Variants in CEP170B observed in about 807,000 individuals in gnomAD.
The protein encoded by CEP170B is centrosomal protein of 170 kDa protein B.
A neutral mutation model predicts 120.6 loss-of-function variants in CEP170B; 55 were observed. The ratio of observed to expected loss-of-function variants is 0.46; its 90% CI spans 0.37 to 0.57. The LOEUF (loss-of-function observed/expected upper bound fraction) is 0.57. CEP170B is among the 20% of genes least tolerant of loss of function. The probability of loss-of-function intolerance (pLI) is 0.00; values close to 1 mark genes in which losing one functional copy is unlikely to be tolerated. For missense variants in CEP170B, 2,212 were observed against 2,253.3 expected (o/e 0.98, Z 0.37); for synonymous variants, 1,033 against 954.5 (o/e 1.08, Z -1.52).
chr14:104,874,486 C>T (rs1269588667), intron 2 of CEP170B, among the ~76,000 whole-genome samples: 10 of 152,042 alleles, frequency 6.6e-5, no homozygotes, highest in Admixed American at 5.9e-4. Flanking sequence ...CAGGAGGAGC[C>T]GCTCACCTGG....
rs905695060 is a variant in CEP170B at position 104,870,763 on chromosome 14, G to A, written c.105+2208G>A. Among the ~76,000 whole-genome samples, 5 of 151,982 alleles carry A rather than the reference G, an allele frequency of 3.3e-5. No individual in the cohort carries two copies. Among genetic ancestry groups the A allele is most frequent in the South Asian group, 4.2e-4 (2 of 4,814 alleles). On this transcript the variant is annotated intron_variant, in intron 2 of 18. Coordinates refer to ENST00000414716, the MANE Select transcript of CEP170B (RefSeq NM_001112726.3). This position sits in a 1 kb window ranked among gnomAD's most constrained non-coding sequence, Gnocchi z 4.1. ...GGCTTCCCAGCTCTCCTCAGTGGCCGCCCCTGGCCTGGGTGGGCCTGCATT... is the reference window on the plus strand; with the variant it reads ...GGCTTCCCAGCTCTCCTCAGTGGCCACCCCTGGCCTGGGTGGGCCTGCATT...
rs187049858 is a variant in CEP170B at position 104,883,167 on chromosome 14, C to T, written c.710C>T (p.Ser237Leu). 7.7e-4 allele frequency: 1,240 copies of T among 1,608,032 alleles called. 12 individuals are homozygous for T. The East Asian group carries it at 0.021, about 27-fold the overall frequency. ...EIPTKETPQP[S>L]QPPEVPAHEM... ...CCCACGAAGGAGACCCCGCAGCCGTCGCAGCCCCCCGAGGTGCCGGCACAC... is the reference window on the plus strand; with the variant it reads ...CCCACGAAGGAGACCCCGCAGCCGTTGCAGCCCCCCGAGGTGCCGGCACAC... The change falls in exon 8 of 19, where the codon TCG becomes TTG. Residue 237 changes from serine (S) to leucine (L), a missense_variant. Around this residue, in one of 2 missense-constraint regions of CEP170B, gnomAD observed 2,166 missense variants for 2,166.7 expected, o/e 1.00. Coordinates refer to ENST00000414716, the MANE Select transcript of CEP170B (RefSeq NM_001112726.3).
intron 13 of CEP170B, among the ~76,000 whole-genome samples, 196 bp from the exon 14 acceptor site, chr14:104,892,779 TC>T: frequency 6.6e-6 from 1 of 152,336 alleles, no homozygotes; most frequent in East Asian, 1.9e-4. Flanking sequence ...GAGTTTGGCC[TC>T]CCTTTGGGGC....
At chr14:104,882,633 G>T in intron 6 of CEP170B, 95 bp from the exon 7 acceptor site, 1 of 977,060 alleles carries the variant, frequency 1.0e-6, no homozygotes, top group Non-Finnish European at 1.5e-6. Context: ...GCCAGGGCCT[G>T]CCCCAGAGTC....
chr14:104,877,849 GCTC>G (rs1321177881), intron 3 of CEP170B, 33 bp from the exon 4 acceptor site: 67 of 315,672 alleles, frequency 2.1e-4, no homozygotes, highest in South Asian at 5.9e-4. Flanking sequence ...CACCCGCGCA[GCTC>G]CCCCCCCCCC....
At chr14:104,890,305 GGTGA>G (rs1896754680) in intron 13 of CEP170B, among the ~76,000 whole-genome samples, 1 of 142,844 alleles carries the variant, frequency 7.0e-6, no homozygotes, top group African/African-American at 2.6e-5. Flanking sequence ...TGGATGGATG[GGTGA>G]GTGGGTGGGT....
chr14:104,889,567 G>T (rs1003545718), intron 12 of CEP170B, 53 bp from the exon 13 acceptor site: 4 of 1,602,574 alleles, frequency 2.5e-6, no homozygotes, highest in Non-Finnish European at 3.4e-6. Context: ...CTGAGGAGGA[G>T]TACGGCTCCC....
chr14:104,888,064 C>T, intron 12 of CEP170B, 86 bp downstream of exon 12: 1 of 1,365,782 alleles, frequency 7.3e-7, no homozygotes. Flanking sequence ...TGAGTGCTGG[C>T]CGTGGGCCCC....
chr14:104,888,162 G>A (rs113623115), intron 12 of CEP170B, among the ~76,000 whole-genome samples, 184 bp downstream of exon 12: 7 of 152,296 alleles, frequency 4.6e-5, no homozygotes, highest in African/African-American at 1.7e-4. Flanking sequence ...TGCATGGGCC[G>A]AGGGCAGGGC....
At position 104,887,767 on chromosome 14, in the gene CEP170B, G is replaced by T; in HGVS notation, c.3528G>T (p.Arg1176=). ...ACATCCTGGCCATGCCCCGGAAGCGGGCCGGCTCCTTCACAGGGACTAGTG... is the reference window on the plus strand; with the variant it reads ...ACATCCTGGCCATGCCCCGGAAGCGTGCCGGCTCCTTCACAGGGACTAGTG... ...RLDILAMPRK[R]AGSFTGTSDP... is the part of the protein sequence containing the mutation. Residue 1176 remains arginine (R), a synonymous_variant, in exon 12 of 19, where the codon CGG becomes CGT. Transcript: ENST00000414716. 6.3e-7 allele frequency: 1 copy of T among 1,580,520 alleles called. No individual in the cohort carries two copies. Among genetic ancestry groups the T allele is most frequent in the Middle Eastern group, 1.7e-4 (1 of 5,942 alleles).
Position 104,893,670 on chromosome 14 carries a change from C to G in CEP170B, c.4182+4C>G. On this transcript the variant is annotated splice_donor_region_variant and intron_variant, in intron 15 of 18. Transcript: ENST00000414716. ...GCGGCCTCGGAACCGAGAGGAGGCA[C>G]GGTGCCCACTACCGCCACGGAGCTG... is the stretch of plus-strand genomic sequence containing the variant. The G allele has an allele frequency of 6.3e-7, 1 of 1,583,724 alleles. No homozygotes were observed. Among genetic ancestry groups the G allele is most frequent in the Non-Finnish European group, 8.6e-7 (1 of 1,166,070 alleles).
chr14:104,874,646 C>T (rs1342427455), intron 2 of CEP170B, among the ~76,000 whole-genome samples: 1 of 152,042 alleles, frequency 6.6e-6, no homozygotes, highest in Non-Finnish European at 1.5e-5. Context: ...TCCTCGCCAC[C>T]CTCCACTGTA....
In CEP170B at chr14:104,886,698, A is replaced by G. The variant is rs1414591499; in HGVS notation, c.2459A>G (p.Glu820Gly). 2 of 1,563,620 alleles carry G rather than the reference A, an allele frequency of 1.3e-6. No individual in the cohort carries two copies. Among genetic ancestry groups the G allele is most frequent in the Admixed American group, 1.9e-5 (1 of 51,934 alleles). The change falls in exon 12 of 19, where the codon GAG becomes GGG. Residue 820 changes from glutamate (E) to glycine (G), a missense_variant. Transcript: ENST00000414716. ...RKPLAAPGDG[E>G]GLGQTAQPSP... ...CCGCTTGCGGCTCCAGGGGATGGGG[A>G]GGGCCTAGGGCAGACAGCCCAGCCC...
intron 13 of CEP170B, among the ~76,000 whole-genome samples, chr14:104,890,682 ATGGGTGAGTGGGTGGG>A (rs1196433902): frequency 1.6e-5 from 1 of 62,426 alleles, no homozygotes; most frequent in Non-Finnish European, 3.8e-5. Context: ...GGATGGATGG[ATGGGTGAGTGGGTGGG>A]TGGATGGATG....
At position 104,887,744 on chromosome 14, in the gene CEP170B, A is replaced by G; in HGVS notation, c.3505A>G (p.Ile1169Val). ...EQAKKLSRLD[I>V]LAMPRKRAGS... ...GGCCAAGAAGCTGTCACGCCTGGAC[A>G]TCCTGGCCATGCCCCGGAAGCGGGC... Residue 1169 changes from isoleucine to valine, a missense_variant, in exon 12 of 19, where the codon ATC becomes GTC. By Grantham distance (29) the Ile-to-Val change is conservative. This residue lies in a region of CEP170B where 2,166 missense variants were observed against 2,166.7 expected (regional missense o/e 1.00). Coordinates refer to ENST00000414716, the MANE Select transcript of CEP170B (RefSeq NM_001112726.3). 6.3e-7 allele frequency: 1 copy of G among 1,581,526 alleles called. No individual in the cohort carries two copies. The highest frequency in any genetic ancestry group is 8.6e-7 in the Non-Finnish European group (1 of 1,164,642).
In CEP170B at chr14:104,889,455, A is replaced by G. The variant is rs536992851; in HGVS notation, c.3740-165A>G. 226 of 1,488,930 alleles carry G rather than the reference A, an allele frequency of 1.5e-4. No homozygotes were observed. In the Admixed American group the frequency reaches 1.6e-3, roughly 10 times the overall value. 92.2% of individuals were successfully genotyped at this position (1,488,930 alleles called of 1,614,324 possible). A position where few individuals can be genotyped will look rare whatever the true frequency, so the allele number is the denominator to read the frequency against. ...CTCCCAGAGGGACCCTGGGACTGCC[A>G]CAGGGTGCTGAGTGCTGCTTTGTTC... On this transcript the variant is annotated intron_variant, in intron 12 of 18. Coordinates refer to ENST00000414716, the MANE Select transcript of CEP170B (RefSeq NM_001112726.3).
chr14:104,873,728 C>G (rs1219922706), intron 2 of CEP170B, among the ~76,000 whole-genome samples: 2 of 152,078 alleles, frequency 1.3e-5, no homozygotes, highest in African/African-American at 4.8e-5. Context: ...AGATGACATC[C>G]AAGTCACCCG....
intron 6 of CEP170B, 98 bp from the exon 7 acceptor site, chr14:104,882,630 C>A (rs1202125498): frequency 7.5e-6 from 7 of 935,938 alleles, no homozygotes; most frequent in South Asian, 3.5e-5. Context: ...GATGCCAGGG[C>A]CTGCCCCAGA....
At position 104,893,514 on chromosome 14, in the gene CEP170B, C is replaced by G. The variant is rs1355253746; in HGVS notation, c.4039-9C>G. 6.2e-7 allele frequency: 1 copy of G among 1,600,522 alleles called. No homozygotes were observed. Among genetic ancestry groups the G allele is most frequent in the Non-Finnish European group, 8.5e-7 (1 of 1,175,284 alleles). On this transcript the variant is annotated splice_polypyrimidine_tract_variant and intron_variant, in intron 14 of 18. Coordinates refer to ENST00000414716, the MANE Select transcript of CEP170B (RefSeq NM_001112726.3). ...CTGGGGCCCACGGTGCCGGCCCTCC[C>G]TCTTGCAGCTGGTGCAGCGCATCCC... is the stretch of plus-strand genomic sequence containing the variant.
Sources: allele counts gnomAD v4.1 joint callset (sites outside exome capture counted in the v4.1 genomes callset), GRCh38; gene constraint gnomAD v4.1.1; regional missense constraint gnomAD v4.1.1; non-coding constraint Gnocchi (gnomAD v3.1); transcripts MANE v1.5; gene names NCBI Gene and HGNC (gene_info 2026-07-23, HGNC 2026-07-21).